Variants in AFG2A observed in about 807,000 individuals in gnomAD.
AFG2A encodes AAA ATPase AFG2A.
the AFG2A span, among the ~76,000 whole-genome samples, chr4:123,060,891 T>C: frequency 6.6e-6 from 1 of 152,222 alleles, no homozygotes; most frequent in African/African-American, 2.4e-5. Flanking sequence ...ACTGCTTTGC[T>C]GCTTAGAAAT....
the AFG2A span, among the ~76,000 whole-genome samples, chr4:123,309,463 C>T: frequency 6.6e-6 from 1 of 152,152 alleles, no homozygotes; most frequent in African/African-American, 2.4e-5. Context: ...TAATCACCTC[C>T]CAAAGACCTC....
chr4:122,937,032 G>A, the AFG2A span, among the ~76,000 whole-genome samples: 2 of 151,986 alleles, frequency 1.3e-5, no homozygotes, highest in Non-Finnish European at 2.9e-5. Context: ...CATGCCTGTA[G>A]TCCCACCTAC....
At chr4:123,145,404 T>C in the AFG2A span, among the ~76,000 whole-genome samples, 1 of 152,076 alleles carries the variant, frequency 6.6e-6, no homozygotes, top group Admixed American at 6.6e-5. Flanking sequence ...GTCCTTCAGA[T>C]AAAACTCACT....
chr4:123,287,359 T>A, the AFG2A span, among the ~76,000 whole-genome samples: 147 of 152,316 alleles, frequency 9.7e-4, no homozygotes, highest in South Asian at 7.7e-3. Context: ...CTACTGAACC[T>A]ACATGAACAC....
the AFG2A span, among the ~76,000 whole-genome samples, chr4:122,959,459 T>A: frequency 6.6e-6 from 1 of 152,246 alleles, no homozygotes; most frequent in Non-Finnish European, 1.5e-5. Flanking sequence ...TACAGACATG[T>A]GTATTTCCTA....
chr4:123,129,695 GCAGTTTGT>G, the AFG2A span, among the ~76,000 whole-genome samples: 1 of 151,958 alleles, frequency 6.6e-6, no homozygotes, highest in East Asian at 1.9e-4. Context: ...ACAGAATGTT[GCAGTTTGT>G]CAAGGCTGGG....
At chr4:123,032,364 C>T in the AFG2A span, among the ~76,000 whole-genome samples, 5 of 152,128 alleles carry the variant, frequency 3.3e-5, no homozygotes, top group African/African-American at 7.2e-5. Flanking sequence ...GTGATATGCA[C>T]TCTGTGGAAA....
chr4:123,017,538 T>G, the AFG2A span, among the ~76,000 whole-genome samples: 4 of 150,880 alleles, frequency 2.7e-5, no homozygotes, highest in African/African-American at 9.7e-5. Context: ...TAATCTTGCT[T>G]TATCTGTATT....
At chr4:123,166,313 C>A in the AFG2A span, among the ~76,000 whole-genome samples, 3 of 152,160 alleles carry the variant, frequency 2.0e-5, no homozygotes, top group African/African-American at 7.2e-5. Context: ...GCTTAGCCTC[C>A]CAGCCTACAT....
the AFG2A span, chr4:123,056,497 T>G: frequency 6.9e-7 from 1 of 1,442,274 alleles, no homozygotes; most frequent in Non-Finnish European, 9.3e-7. Flanking sequence ...TTCTGTCCTG[T>G]GCAGCTTCCC....
the AFG2A span, among the ~76,000 whole-genome samples, chr4:122,936,603 G>A: frequency 6.6e-6 from 1 of 152,166 alleles, no homozygotes; most frequent in African/African-American, 2.4e-5. Flanking sequence ...CCATCACTTT[G>A]GGAGGCCAAG....
the AFG2A span, among the ~76,000 whole-genome samples, chr4:123,257,700 C>T: frequency 4.1e-4 from 63 of 152,142 alleles, no homozygotes; most frequent in African/African-American, 1.4e-3. Flanking sequence ...TGATTTGAGA[C>T]GAGGGCTGGC....
the AFG2A span, chr4:123,056,242 A>G: frequency 1.4e-6 from 1 of 702,538 alleles, no homozygotes; most frequent in African/African-American, 1.8e-5. Flanking sequence ...CACAAATAAC[A>G]AACAGAGAAA....
the AFG2A span, among the ~76,000 whole-genome samples, chr4:123,226,741 G>T: frequency 6.6e-6 from 1 of 152,162 alleles, no homozygotes; most frequent in East Asian, 1.9e-4. Flanking sequence ...AGTTAGGAAG[G>T]ATTCCCTCTC....
the AFG2A span, chr4:122,929,300 C>A: frequency 7.4e-7 from 1 of 1,344,802 alleles, no homozygotes; most frequent in Non-Finnish European, 9.8e-7. Context: ...TTTCTTGTAA[C>A]ATTTTAAAAA....
At chr4:123,034,984 T>C in the AFG2A span, among the ~76,000 whole-genome samples, 1 of 152,148 alleles carries the variant, frequency 6.6e-6, no homozygotes, top group Non-Finnish European at 1.5e-5. Context: ...TGACCTCTCC[T>C]ATTCATAGTC....
chr4:123,154,651 C>A, the AFG2A span, among the ~76,000 whole-genome samples: 2 of 152,060 alleles, frequency 1.3e-5, no homozygotes, highest in Non-Finnish European at 2.9e-5. Flanking sequence ...AGCTGTGTAA[C>A]CACAGCACTT....
chr4:123,119,069 C>G, the AFG2A span, among the ~76,000 whole-genome samples: 1 of 151,984 alleles, frequency 6.6e-6, no homozygotes, highest in African/African-American at 2.4e-5. Flanking sequence ...AGCTGTTCTG[C>G]CAAACCAAAT....
At chr4:123,238,767 GC>G in the AFG2A span, among the ~76,000 whole-genome samples, 21 of 152,262 alleles carry the variant, frequency 1.4e-4, no homozygotes, top group Admixed American at 1.4e-3. Context: ...AAAAACCAGA[GC>G]GCCTCTTCTC....
Sources: allele counts gnomAD v4.1 joint callset (sites outside exome capture counted in the v4.1 genomes callset), GRCh38; gene constraint gnomAD v4.1.1; transcripts MANE v1.5; gene names NCBI Gene and HGNC (gene_info 2026-07-23, HGNC 2026-07-21).